The following ANTXR1 variants were observed in gnomAD, a reference collection of about 807,000 sequenced individuals.
ANTXR1 encodes ANTXR cell adhesion molecule 1.
Under a neutral mutation model 78.1 loss-of-function variants are expected in ANTXR1, and 19 were observed. The observed-to-expected ratio is 0.24, with a 90% CI of 0.17 to 0.36. The LOEUF is 0.36. Among genes scored for constraint, ANTXR1 ranks in the 10% least tolerant of loss-of-function variants. The pLI, the probability that ANTXR1 is intolerant of heterozygous loss-of-function variation, is 1.00. For missense variants in ANTXR1, 518 were observed against 718.6 expected (o/e 0.72, Z 3.19); for synonymous variants, 273 against 260.5 (o/e 1.05, Z -0.46).
rs564379596 is a variant in ANTXR1 at position 69,116,744 on chromosome 2, A to G, written c.803-6273A>G. Among the ~76,000 whole-genome samples the G allele has an allele frequency of 4.6e-5, 7 of 152,322 alleles. No individual in the cohort carries two copies. The South Asian group carries it at 1.4e-3, about 32-fold the overall frequency. Reference sequence around the variant, plus strand: ...TCTAACACACCCTCCCGCTGCCTCCATAAGACTAGGGATTATTTTTCTCTT... The same window carrying G: ...TCTAACACACCCTCCCGCTGCCTCCGTAAGACTAGGGATTATTTTTCTCTT... On this transcript the variant is annotated intron_variant, in intron 10 of 17. Transcript: ENST00000303714.
intron 17 of ANTXR1, among the ~76,000 whole-genome samples, chr2:69,231,764 C>A (rs1253162280): frequency 6.6e-6 from 1 of 152,090 alleles, no homozygotes. Flanking sequence ...CTGCAGTAGG[C>A]CAGCCAGGAT....
At chr2:69,199,542 T>C (rs2104483486) in intron 17 of ANTXR1, among the ~76,000 whole-genome samples, 1 of 152,344 alleles carries the variant, frequency 6.6e-6, no homozygotes, top group East Asian at 1.9e-4. Context: ...CATATTCTGT[T>C]CCTAGATTAC....
chr2:69,122,670 G>A (rs1430280460), intron 10 of ANTXR1, among the ~76,000 whole-genome samples: 1 of 152,060 alleles, frequency 6.6e-6, no homozygotes, highest in Non-Finnish European at 1.5e-5. Flanking sequence ...ATGTATACAT[G>A]TGCCATATTG....
chr2:69,108,277 TA>T (rs1433300200), intron 10 of ANTXR1, among the ~76,000 whole-genome samples: 1 of 152,182 alleles, frequency 6.6e-6, no homozygotes, highest in Non-Finnish European at 1.5e-5. Context: ...GTCATTGCTC[TA>T]AAATAATGCT....
At chr2:69,044,037 C>A (rs1669685106) in intron 2 of ANTXR1, among the ~76,000 whole-genome samples, 1 of 152,200 alleles carries the variant, frequency 6.6e-6, no homozygotes. Context: ...ATCTTGCAGA[C>A]TGAGAAACAA....
intron 1 of ANTXR1, among the ~76,000 whole-genome samples, chr2:69,033,128 G>A (rs1671578159): frequency 1.3e-5 from 2 of 152,214 alleles, no homozygotes; most frequent in African/African-American, 4.8e-5. Flanking sequence ...GTGGGGCCAG[G>A]CACCCTGTCC....
Position 69,061,505 on chromosome 2 carries a change from C to T in ANTXR1, c.297-9142C>T, listed in dbSNP as rs1415742444. Among the ~76,000 whole-genome samples the T allele has an allele frequency of 8.0e-5, 10 of 125,214 alleles. 1 individual carries two copies. Among genetic ancestry groups the T allele is most frequent in the Admixed American group, 7.9e-4 (10 of 12,650 alleles). The allele number at this position is 125,214 out of a possible 152,430, so 82.1% of individuals were successfully genotyped here. A position where few individuals can be genotyped will look rare whatever the true frequency, so the allele number is the denominator to read the frequency against. On this transcript the variant is annotated intron_variant, in intron 3 of 17. Coordinates refer to ENST00000303714, the MANE Select transcript of ANTXR1 (RefSeq NM_032208.3). ...TTCAACAACAACAAAAAACAACTGC[C>T]AAAAAAAAAAAAAAAGCTGGTCATT...
chr2:69,087,333 C>G (rs982973990), intron 8 of ANTXR1, among the ~76,000 whole-genome samples: 3 of 152,176 alleles, frequency 2.0e-5, no homozygotes, highest in Non-Finnish European at 4.4e-5. Flanking sequence ...GCTCGTACTT[C>G]AGGTAGATAC....
At chr2:69,067,772 G>C (rs1262103719) in intron 3 of ANTXR1, among the ~76,000 whole-genome samples, 1 of 152,122 alleles carries the variant, frequency 6.6e-6, no homozygotes, top group South Asian at 2.1e-4. Flanking sequence ...CAACTCACAG[G>C]GCAGAGCTGC....
intron 10 of ANTXR1, among the ~76,000 whole-genome samples, chr2:69,115,321 G>A (rs902384710): frequency 6.6e-6 from 1 of 152,226 alleles, no homozygotes; most frequent in Non-Finnish European, 1.5e-5. Context: ...CAGACAGGTT[G>A]CAAGACTCAC....
chr2:69,039,251 C>T (rs982828865), intron 1 of ANTXR1, among the ~76,000 whole-genome samples: 2 of 152,088 alleles, frequency 1.3e-5, no homozygotes, highest in African/African-American at 4.8e-5. Context: ...AATATGAGCA[C>T]TATGGAAAAT....
intron 13 of ANTXR1, among the ~76,000 whole-genome samples, chr2:69,163,607 C>A (rs539359636): frequency 1.1e-4 from 17 of 152,314 alleles, no homozygotes; most frequent in African/African-American, 3.6e-4. Context: ...CCTCATTCAA[C>A]CCCTGCATTT....
chr2:69,102,124 G>A (rs1201020971), intron 9 of ANTXR1, among the ~76,000 whole-genome samples: 2 of 152,196 alleles, frequency 1.3e-5, no homozygotes, highest in African/African-American at 2.4e-5. Context: ...GTAGTGCTTG[G>A]CAACTGACCA....
rs144999771 is a variant in ANTXR1 at position 69,077,790 on chromosome 2, G to A, written c.642+302G>A. The stretch of plus-strand genomic sequence containing the variant: ...GGGCAGACTGTGGCTGGTGGTTTAC[G>A]CTTGACCACCTCAGCTTTCCCATTG... On this transcript the variant is annotated intron_variant, in intron 8 of 17. Coordinates refer to ENST00000303714, the MANE Select transcript of ANTXR1 (RefSeq NM_032208.3). Among the ~76,000 whole-genome samples the A allele has an allele frequency of 3.9e-4, 59 of 152,314 alleles. No individual in the cohort carries two copies. In the East Asian group the frequency reaches 0.011, roughly 27 times the overall value.
intron 8 of ANTXR1, among the ~76,000 whole-genome samples, chr2:69,089,484 A>G (rs1035657607): frequency 2.0e-5 from 3 of 152,218 alleles, no homozygotes; most frequent in South Asian, 2.1e-4. Context: ...GCTTGGAACT[A>G]AGTCCACTCT....
At chr2:69,230,342 G>A (rs1048416299) in intron 17 of ANTXR1, among the ~76,000 whole-genome samples, 4 of 151,782 alleles carry the variant, frequency 2.6e-5, no homozygotes, top group Middle Eastern at 3.4e-3. Flanking sequence ...ATGGTTTATC[G>A]ACCTTCCTCA....
At chr2:69,242,626 C>T (rs564581922) in intron 17 of ANTXR1, among the ~76,000 whole-genome samples, 2 of 152,310 alleles carry the variant, frequency 1.3e-5, no homozygotes, top group Non-Finnish European at 2.9e-5. Context: ...CAGCTCCTTC[C>T]CCAGGATGAG....
rs528041090 is a variant in ANTXR1, at chr2:69,234,938, CACATTCTATAA to C, written c.1435-10271_1435-10261del. ...ATCCTAGTAGTTTGGCTCTTTAGTC[CACATTCTATAA>C]ACATTCTATAAACATAGAAAAGTGA... On this transcript the variant is annotated intron_variant, in intron 17 of 17. Transcript: ENST00000303714. 3.8e-3 allele frequency among the ~76,000 whole-genome samples: 563 copies of C among 148,744 alleles called. 3 individuals are homozygous for C. Among genetic ancestry groups the C allele is most frequent in the African/African-American group, 0.013 (537 of 40,342 alleles).
chr2:69,107,481 C>T (rs1206479530), intron 10 of ANTXR1, among the ~76,000 whole-genome samples: 1 of 152,126 alleles, frequency 6.6e-6, no homozygotes, highest in Non-Finnish European at 1.5e-5. Flanking sequence ...CTCAAGCTAT[C>T]TACCCACCTC....
Sources: allele counts gnomAD v4.1 joint callset (sites outside exome capture counted in the v4.1 genomes callset), GRCh38; gene constraint gnomAD v4.1.1; transcripts MANE v1.5; gene names NCBI Gene and HGNC (gene_info 2026-07-23, HGNC 2026-07-21).